Variants in SMYD3 observed in about 807,000 individuals in gnomAD.
SMYD3 encodes histone-lysine N-methyltransferase SMYD3.
In SMYD3, 36 loss-of-function variants were observed where a neutral mutation model predicts 57.7. The observed-to-expected ratio is 0.62, with a 90% CI of 0.48 to 0.82. The LOEUF (loss-of-function observed/expected upper bound fraction) is 0.82. Ranked by LOEUF, SMYD3 falls within the 40% of genes least tolerant of loss-of-function variation. The pLI, the probability that SMYD3 is intolerant of heterozygous loss-of-function variation, is 0.00. For synonymous variants in SMYD3, 211 were observed against 195.0 expected, an observed-to-expected ratio of 1.08 and a Z score of -0.68; for missense variants, 515 against 538.8, an observed-to-expected ratio of 0.96 and a Z score of 0.44.
At chr1:246,046,024 G>C (rs540013419) in intron 5 of SMYD3, among the ~76,000 whole-genome samples, 1 of 152,338 alleles carries the variant, frequency 6.6e-6, no homozygotes, top group East Asian at 1.9e-4. Flanking sequence ...TACATTGTTG[G>C]TGGGACTGTA....
chr1:245,885,440 CTCGA>C (rs1275227003), intron 8 of SMYD3, among the ~76,000 whole-genome samples: 4 of 152,278 alleles, frequency 2.6e-5, no homozygotes, highest in African/African-American at 9.6e-5. Context: ...ATGTCTGTGA[CTCGA>C]TTTTACAGGC....
At chr1:246,196,903 TG>T (rs2062836338) in intron 5 of SMYD3, among the ~76,000 whole-genome samples, 2 of 151,914 alleles carry the variant, frequency 1.3e-5, no homozygotes, top group Admixed American at 6.6e-5. Context: ...CAGGGCACAT[TG>T]AAGAAATGGC....
At chr1:246,222,759 T>C (rs2063276380) in intron 5 of SMYD3, among the ~76,000 whole-genome samples, 2 of 152,278 alleles carry the variant, frequency 1.3e-5, no homozygotes, top group Admixed American at 1.3e-4. Context: ...CTCAATGTTC[T>C]ACAATCATAC....
chr1:246,268,549 A>AG (rs2064155495), intron 5 of SMYD3, among the ~76,000 whole-genome samples: 1 of 151,962 alleles, frequency 6.6e-6, no homozygotes, highest in East Asian at 1.9e-4. Flanking sequence ...ACACAAAAAA[A>AG]AGACATTAGC....
At chr1:246,461,151 G>A (rs2067791702) in intron 1 of SMYD3, among the ~76,000 whole-genome samples, 1 of 152,200 alleles carries the variant, frequency 6.6e-6, no homozygotes, top group Non-Finnish European at 1.5e-5. Flanking sequence ...CATCTTGTAG[G>A]ATTTCTTGTA....
At chr1:245,940,562 T>TAAAA (rs1000590877) in intron 5 of SMYD3, among the ~76,000 whole-genome samples, 5 of 92,984 alleles carry the variant, frequency 5.4e-5, no homozygotes, top group Non-Finnish European at 1.5e-4. Context: ...TCTTGACTGT[T>TAAAA]AAAAAAACAA....
rs563924313 is a variant in SMYD3 at position 245,786,262 on chromosome 1, G to A, written c.1077-22113C>T. ...ATATTAAGAAGAAAAAGAAGCCTAC[G>A]GAAACCTGGGTATGATATCAAAACA... is the stretch of plus-strand genomic sequence containing the variant. On this transcript the variant is annotated intron_variant, in intron 10 of 11. Coordinates refer to ENST00000490107, the MANE Select transcript of SMYD3 (RefSeq NM_001167740.2). Among the ~76,000 whole-genome samples, 5 of 150,570 alleles carry A rather than the reference G, an allele frequency of 3.3e-5. No individual in the cohort carries two copies. The East Asian group carries it at 5.9e-4, about 18-fold the overall frequency.
chr1:245,805,156 G>GA (rs35965611), intron 10 of SMYD3, among the ~76,000 whole-genome samples: 7,436 of 128,594 alleles, frequency 0.058, 203 homozygotes, highest in African/African-American at 0.098. Flanking sequence ...AAGTGAGAAT[G>GA]AAAAAAAAAA....
intron 10 of SMYD3, among the ~76,000 whole-genome samples, chr1:245,778,669 A>C (rs2046704833): frequency 6.6e-6 from 1 of 152,232 alleles, no homozygotes; most frequent in South Asian, 2.1e-4. Context: ...ATCAAGGTCA[A>C]TGATGAGGCC....
chr1:246,088,302 T>A (rs764792088), intron 5 of SMYD3, among the ~76,000 whole-genome samples: 17 of 151,886 alleles, frequency 1.1e-4, no homozygotes, highest in Non-Finnish European at 2.1e-4. Context: ...TATTCAGGAG[T>A]TCTCAATTTC....
chr1:246,045,723 A>G (rs112527584), intron 5 of SMYD3, among the ~76,000 whole-genome samples: 70,079 of 151,590 alleles, frequency 0.46, 17,596 homozygotes, highest in East Asian at 0.8. Flanking sequence ...AATTTTTATA[A>G]TCTACCCATT....
Position 246,347,033 on chromosome 1 carries a change from A to C in SMYD3, c.228+7998T>G, listed in dbSNP as rs1465742436. On this transcript the variant is annotated intron_variant, in intron 2 of 11. Transcript: ENST00000490107. Reference sequence around the variant, plus strand: ...TCAAAAACACCAACAAAAATAAAGAATGCCTTTGATATCTTATTGGCAGAC... The same window carrying C: ...TCAAAAACACCAACAAAAATAAAGACTGCCTTTGATATCTTATTGGCAGAC... 2.0e-5 allele frequency among the ~76,000 whole-genome samples: 3 copies of C among 152,266 alleles called. No homozygotes were observed. The East Asian group carries it at 5.8e-4, about 29-fold the overall frequency.
chr1:245,942,923 T>C (rs983353335), intron 5 of SMYD3, among the ~76,000 whole-genome samples: 2 of 152,142 alleles, frequency 1.3e-5, no homozygotes, highest in East Asian at 1.9e-4. Context: ...ATGAAGAAGT[T>C]CTTTGAAACC....
chr1:246,200,367 T>C (rs1021380912), intron 5 of SMYD3, among the ~76,000 whole-genome samples: 1 of 149,116 alleles, frequency 6.7e-6, no homozygotes, highest in African/African-American at 2.5e-5. Flanking sequence ...ACGTCCACTG[T>C]GATACAGAGG....
chr1:246,118,781 G>T (rs1357134825), intron 5 of SMYD3, among the ~76,000 whole-genome samples: 2 of 148,428 alleles, frequency 1.3e-5, no homozygotes, highest in Non-Finnish European at 3.0e-5. Flanking sequence ...AACTTCACCA[G>T]AACTTAAACT....
At chr1:246,190,357 A>C (rs552834798) in intron 5 of SMYD3, among the ~76,000 whole-genome samples, 1 of 152,248 alleles carries the variant, frequency 6.6e-6, no homozygotes, top group Non-Finnish European at 1.5e-5. Context: ...GAGGCCAAGG[A>C]GGGTGGATCA....
chr1:245,974,454 T>C (rs935727500), intron 5 of SMYD3, among the ~76,000 whole-genome samples: 4 of 152,320 alleles, frequency 2.6e-5, no homozygotes, highest in South Asian at 4.1e-4. Context: ...ACATCTCCTA[T>C]GCCAACCTCC....
intron 5 of SMYD3, among the ~76,000 whole-genome samples, chr1:245,931,699 G>C (rs761714563): frequency 6.6e-6 from 1 of 152,162 alleles, no homozygotes; most frequent in Non-Finnish European, 1.5e-5. Flanking sequence ...ATGCTGACTT[G>C]TTATAAAGTT....
chr1:245,835,152 G>C (rs2050045292), intron 10 of SMYD3, among the ~76,000 whole-genome samples: 1 of 125,050 alleles, frequency 8.0e-6, no homozygotes, highest in Non-Finnish European at 1.6e-5. Context: ...AGGGAGTCTT[G>C]CTCTGTCACC....
Sources: allele counts gnomAD v4.1 joint callset (sites outside exome capture counted in the v4.1 genomes callset), GRCh38; gene constraint gnomAD v4.1.1; transcripts MANE v1.5; gene names NCBI Gene and HGNC (gene_info 2026-07-23, HGNC 2026-07-21).